Variants in KIF3B observed in about 807,000 individuals in gnomAD.
The protein encoded by KIF3B is kinesin family member 3B.
Under a neutral mutation model 74.3 loss-of-function variants are expected in KIF3B, and 38 were observed. The observed-to-expected ratio is 0.51, with a 90% confidence interval of 0.39 to 0.67. The LOEUF is 0.67. KIF3B is among the 30% of genes least tolerant of loss of function. KIF3B has a pLI of 0.00. For synonymous variants in KIF3B, 326 were observed against 342.5 expected, an observed-to-expected ratio of 0.95 and a Z score of 0.53; for missense variants, 649 against 932.0, an observed-to-expected ratio of 0.70 and a Z score of 3.95.
In KIF3B at chr20:32,310,551, A is replaced by G. The variant is rs1600429729; in HGVS notation, c.774A>G (p.Gln258=). Residue 258 remains glutamine (Q), a synonymous_variant, in exon 2 of 9, where the codon CAA becomes CAG. Coordinates refer to ENST00000375712, the MANE Select transcript of KIF3B (RefSeq NM_004798.4). This position sits in a 1 kb window ranked among gnomAD's most constrained non-coding sequence, Gnocchi z 6.5. ...AACGGCAAGCCAAGACCGGCGCACA[A>G]GGGGAGAGATTAAAAGAAGCTACCA... is the stretch of plus-strand genomic sequence containing the variant. ...GSERQAKTGA[Q]GERLKEATKI... is the part of the protein sequence containing the mutation. The G allele has an allele frequency of 2.5e-6, 4 of 1,614,132 alleles. No individual in the cohort carries two copies. In the East Asian group the frequency reaches 6.7e-5, roughly 27 times the overall value.
At chr20:32,284,466 T>C (rs6141659) in intron 1 of KIF3B, among the ~76,000 whole-genome samples, 57,068 of 151,982 alleles carry the variant, frequency 0.38, 11,380 homozygotes, top group East Asian at 0.74. Context: ...CTGTGACAGA[T>C]GTACCATGTC....
At chr20:32,312,226 TC>T (rs1415787174) in intron 2 of KIF3B, among the ~76,000 whole-genome samples, 3 of 150,852 alleles carry the variant, frequency 2.0e-5, no homozygotes, top group Non-Finnish European at 4.4e-5. Flanking sequence ...CACCTCAGCC[TC>T]CCAAGTAGCT....
chr20:32,330,357 G>C lies in KIF3B; in HGVS notation c.2147+38G>C, dbSNP rs544670397. 1.0e-5 allele frequency: 16 copies of C among 1,584,544 alleles called. No homozygotes were observed. In the South Asian group the frequency reaches 1.8e-4, roughly 18 times the overall value. ...GATGACGTGTGTTTAAACAGAACAT[G>C]TTTGAACAAGGACAAACCAAAGCAA... On this transcript the variant is annotated intron_variant, in intron 8 of 8. Transcript: ENST00000375712.
rs1484340427 is a variant in KIF3B, at chr20:32,331,479, G to A, written c.*160G>A. ...CAACCAACTTAATCTGGTTGAACGT[G>A]CTGTTCCTAATCTGGCACTCAGCCC... On this transcript the variant is annotated 3_prime_UTR_variant, in exon 9 of 9. Coordinates refer to ENST00000375712, the MANE Select transcript of KIF3B (RefSeq NM_004798.4). 1.5e-5 allele frequency: 9 copies of A among 588,968 alleles called. No homozygotes were observed. In the East Asian group the frequency reaches 2.7e-4, roughly 18 times the overall value. 36.5% of individuals were successfully genotyped at this position (588,968 alleles called of 1,614,324 possible).
rs1054589719 is a variant in KIF3B, at chr20:32,332,637, A to G, written c.*1318A>G. 1.3e-5 allele frequency: 2 copies of G among 152,162 alleles called. No homozygotes were observed. Among genetic ancestry groups the G allele is most frequent in the Admixed American group, 6.5e-5 (1 of 15,272 alleles). 9.4% of individuals were successfully genotyped at this position (152,162 alleles called of 1,614,324 possible). ...GTTGGTCATTAGGTGAATATTACTC[A>G]TTTTCCCTCAAGAGAAGCTCATAAG... is the stretch of plus-strand genomic sequence containing the variant. On this transcript the variant is annotated 3_prime_UTR_variant, in exon 9 of 9. Transcript: ENST00000375712.
chr20:32,280,552 A>C (rs1336984094), intron 1 of KIF3B, among the ~76,000 whole-genome samples: 1 of 84,916 alleles, frequency 1.2e-5, no homozygotes, highest in Non-Finnish European at 2.2e-5. Context: ...ATCTCTACTA[A>C]AAGAAAAAAA....
chr20:32,295,153 AT>A, intron 1 of KIF3B, among the ~76,000 whole-genome samples: 1 of 152,126 alleles, frequency 6.6e-6, no homozygotes, highest in Non-Finnish European at 1.5e-5. Context: ...TTTGGTACTG[AT>A]TGCCTGACTG....
chr20:32,304,566 G>A (rs1442301479), intron 1 of KIF3B, among the ~76,000 whole-genome samples: 1 of 152,150 alleles, frequency 6.6e-6, no homozygotes, highest in Non-Finnish European at 1.5e-5. Flanking sequence ...ATAAATTATG[G>A]TGCATGCATG....
intron 1 of KIF3B, among the ~76,000 whole-genome samples, chr20:32,286,853 C>T (rs1242030367): frequency 6.6e-6 from 1 of 152,116 alleles, no homozygotes; most frequent in Non-Finnish European, 1.5e-5. Flanking sequence ...TTTGTGTAAA[C>T]CTTTGTCTGC....
chr20:32,299,521 C>T (rs1159176305), intron 1 of KIF3B, among the ~76,000 whole-genome samples: 2 of 146,220 alleles, frequency 1.4e-5, no homozygotes, highest in Non-Finnish European at 3.0e-5. Flanking sequence ...AAGTGATTCT[C>T]GTGCCTCAGC....
chr20:32,302,007 T>A (rs549167265), intron 1 of KIF3B, among the ~76,000 whole-genome samples: 3 of 152,318 alleles, frequency 2.0e-5, no homozygotes, highest in African/African-American at 7.2e-5. Context: ...GTGTTAACAT[T>A]GAATGACAAG....
chr20:32,278,869 G>A (rs1014381520), intron 1 of KIF3B, among the ~76,000 whole-genome samples: 2 of 151,424 alleles, frequency 1.3e-5, no homozygotes, highest in African/African-American at 4.9e-5. Context: ...TCATTTTGCC[G>A]ATGAGGAAAC....
Position 32,334,685 on chromosome 20 carries a change from C to T in KIF3B, c.*3366C>T, listed in dbSNP as rs981193952. ...AATAGTGGGCCTGGTGATTGTCTATCACGCAAGGCTTTGTTTTGTACTGTT... is the reference window on the plus strand; with the variant it reads ...AATAGTGGGCCTGGTGATTGTCTATTACGCAAGGCTTTGTTTTGTACTGTT... On this transcript the variant is annotated 3_prime_UTR_variant, in exon 9 of 9. Transcript: ENST00000375712. The T allele has an allele frequency of 5.9e-5, 9 of 152,266 alleles. No homozygotes were observed. The highest frequency in any genetic ancestry group is 2.2e-4 in the African/African-American group (9 of 41,460). The allele number at this position is 152,266 out of a possible 1,614,324, so 9.4% of individuals were successfully genotyped here.
chr20:32,314,259 G>A (rs1420506307), intron 2 of KIF3B, among the ~76,000 whole-genome samples: 1 of 152,134 alleles, frequency 6.6e-6, no homozygotes, highest in Non-Finnish European at 1.5e-5. Context: ...AATGTTAGAG[G>A]CTGGGCGCGG....
chr20:32,325,601 A>C (rs1451392677), intron 5 of KIF3B, among the ~76,000 whole-genome samples: 1 of 149,874 alleles, frequency 6.7e-6, no homozygotes, highest in Non-Finnish European at 1.5e-5. Flanking sequence ...TTAGCTCCCC[A>C]AAATATTTTT....
At chr20:32,296,559 C>G (rs2047718096) in intron 1 of KIF3B, among the ~76,000 whole-genome samples, 1 of 151,672 alleles carries the variant, frequency 6.6e-6, no homozygotes, top group South Asian at 2.1e-4. Flanking sequence ...GATTGCACCA[C>G]AGCACTCCAG....
intron 1 of KIF3B, among the ~76,000 whole-genome samples, chr20:32,278,117 C>T (rs1268170005): frequency 6.6e-6 from 1 of 151,194 alleles, no homozygotes; most frequent in African/African-American, 2.4e-5. Context: ...CAAGTCTTTT[C>T]ACCTCCCTGG....
intron 5 of KIF3B, among the ~76,000 whole-genome samples, chr20:32,319,059 C>T (rs2047843414): frequency 6.6e-6 from 1 of 151,860 alleles, no homozygotes; most frequent in Non-Finnish European, 1.5e-5. Context: ...CTCCTGGGCT[C>T]AAGCGATCCT....
At position 32,332,004 on chromosome 20, in the gene KIF3B, C is replaced by A. The variant is rs1042376404; in HGVS notation, c.*685C>A. 2.0e-5 allele frequency: 3 copies of A among 152,704 alleles called. No individual in the cohort carries two copies. Among genetic ancestry groups the A allele is most frequent in the Admixed American group, 2.0e-4 (3 of 15,278 alleles). The allele number at this position is 152,704 out of a possible 1,614,324, so 9.5% of individuals were successfully genotyped here. A position where few individuals can be genotyped will look rare whatever the true frequency, so the allele number is the denominator to read the frequency against. On this transcript the variant is annotated 3_prime_UTR_variant, in exon 9 of 9. Coordinates refer to ENST00000375712, the MANE Select transcript of KIF3B (RefSeq NM_004798.4). ...GCAATAGAAATAACATTCCCTTTGC[C>A]TTCTCTGAGTGTTTAGGGAAATAGC...
Sources: gnomAD v4.1 joint callset for allele counts (sites outside exome capture counted in the v4.1 genomes callset) on GRCh38, gnomAD v4.1.1 for gene constraint, Gnocchi (gnomAD v3.1) non-coding constraint, MANE v1.5 for transcripts, NCBI Gene and HGNC (gene_info 2026-07-23, HGNC 2026-07-21) for gene names.